CCDC171: variants seen among roughly 807,000 people sequenced by gnomAD.
CCDC171 encodes coiled-coil domain containing 171.
Under a neutral mutation model 168.2 loss-of-function variants are expected in CCDC171, and 177 were observed. The observed-to-expected ratio is 1.05, with a 90% CI of 0.93 to 1.19. The LOEUF (loss-of-function observed/expected upper bound fraction) is 1.19, where lower values mean the gene tolerates loss of function less well. Ranked by LOEUF, CCDC171 falls within the 50% of genes most tolerant of loss-of-function variation. CCDC171 has a pLI of 0.00. For synonymous variants in CCDC171, 687 were observed against 540.8 expected, an observed-to-expected ratio of 1.27 and a Z score of -3.75; for missense variants, 1,991 against 1,539.0, an observed-to-expected ratio of 1.29 and a Z score of -4.91.
Position 15,971,811 on chromosome 9 carries a change from A to G in CCDC171, c.3956A>G (p.Asn1319Ser), listed in dbSNP as rs776196996. 3.1e-6 allele frequency: 5 copies of G among 1,613,230 alleles called. No homozygotes were observed. The South Asian group carries it at 5.5e-5, about 18-fold the overall frequency. The change falls in exon 26 of 26, where the codon AAC (asparagine) becomes AGC (serine). Residue 1319 changes from asparagine (N) to serine (S), a missense_variant. Physicochemically the swap from Asn to Ser is conservative, Grantham distance 46 (BLOSUM62 1). Coordinates refer to ENST00000380701, the MANE Select transcript of CCDC171 (RefSeq NM_173550.4). The stretch of plus-strand genomic sequence containing the variant: ...CCAGTGACTATGTCTGCTAATGCCA[A>G]CAGACCAACTCAGATTGGATTATGA... ...SSPVTMSANA[N>S]RPTQIGL
At chr9:15,614,662 TTG>T (rs1443964043) in intron 6 of CCDC171, among the ~76,000 whole-genome samples, 1 of 152,216 alleles carries the variant, frequency 6.6e-6, no homozygotes, top group Non-Finnish European at 1.5e-5. Context: ...TTCTCTTAGG[TTG>T]CCCCTCCCCC....
chr9:15,698,246 G>A (rs1028129280), intron 11 of CCDC171, among the ~76,000 whole-genome samples: 2 of 152,148 alleles, frequency 1.3e-5, no homozygotes, highest in Admixed American at 1.3e-4. Flanking sequence ...TAAGGGCCAG[G>A]CGCGGTGGCT....
chr9:15,727,662 A>G (rs1742148688), intron 14 of CCDC171, among the ~76,000 whole-genome samples: 1 of 152,074 alleles, frequency 6.6e-6, no homozygotes, highest in African/African-American at 2.4e-5. Context: ...TCAGATTTCG[A>G]TTTTGAATAC....
intron 7 of CCDC171, among the ~76,000 whole-genome samples, chr9:15,634,046 G>A (rs1318152231): frequency 1.3e-5 from 2 of 151,942 alleles, no homozygotes; most frequent in African/African-American, 4.8e-5. Context: ...GAGGGGGGCG[G>A]GATAGCTTTA....
At chr9:15,855,095 G>A (rs1351091460) in intron 23 of CCDC171, among the ~76,000 whole-genome samples, 2 of 151,518 alleles carry the variant, frequency 1.3e-5, no homozygotes, top group African/African-American at 4.8e-5. Flanking sequence ...TATGTCTAGC[G>A]GGTTTATGTT....
intron 11 of CCDC171, among the ~76,000 whole-genome samples, chr9:15,715,173 C>G (rs935713494): frequency 6.6e-6 from 1 of 152,164 alleles, no homozygotes; most frequent in Non-Finnish European, 1.5e-5. Context: ...ATATATTTCT[C>G]AAGCTTTGGT....
At chr9:15,583,879 C>A (rs1282366870) in intron 4 of CCDC171, among the ~76,000 whole-genome samples, 3 of 151,198 alleles carry the variant, frequency 2.0e-5, no homozygotes, top group South Asian at 2.1e-4. Context: ...TTCTTTTTTT[C>A]TTTTTTGAGA....
intron 10 of CCDC171, among the ~76,000 whole-genome samples, chr9:15,691,904 C>T (rs1000975151): frequency 1.3e-5 from 2 of 152,080 alleles, no homozygotes; most frequent in African/African-American, 2.4e-5. Context: ...CCTTGAACTC[C>T]TGGGCTTGAT....
chr9:15,667,771 A>T (rs565183421), intron 9 of CCDC171, among the ~76,000 whole-genome samples: 2 of 152,192 alleles, frequency 1.3e-5, no homozygotes, highest in Non-Finnish European at 2.9e-5. Flanking sequence ...AAGACTGAAA[A>T]CATTAAAAAC....
At chr9:15,679,273 ACTCT>A (rs1192041244) in intron 10 of CCDC171, among the ~76,000 whole-genome samples, 1 of 151,774 alleles carries the variant, frequency 6.6e-6, no homozygotes, top group Admixed American at 6.6e-5. Flanking sequence ...GTACCTGATC[ACTCT>A]CTCTCCATTC....
chr9:15,855,547 C>T (rs11515071), intron 23 of CCDC171, among the ~76,000 whole-genome samples: 46,607 of 151,584 alleles, frequency 0.31, 9,214 homozygotes, highest in East Asian at 0.65. Context: ...TTACATTTAA[C>T]GTAATTGTGA....
At chr9:16,089,749 C>A in the CCDC171 span, among the ~76,000 whole-genome samples, 49,616 of 146,874 alleles carry the variant, frequency 0.34, 8,350 homozygotes, top group Non-Finnish European at 0.36. Flanking sequence ...AAAAAAAAAA[C>A]CCATCAAAAA....
intron 21 of CCDC171, among the ~76,000 whole-genome samples, chr9:15,793,923 T>C (rs1450653773): frequency 2.0e-5 from 3 of 152,126 alleles, no homozygotes; most frequent in African/African-American, 7.2e-5. Context: ...GACAGTAATA[T>C]TTATTCTATA....
chr9:15,957,997 A>G (rs573965196), intron 25 of CCDC171, among the ~76,000 whole-genome samples: 84 of 152,322 alleles, frequency 5.5e-4, no homozygotes, highest in African/African-American at 1.6e-3. Context: ...AATTAAAGAA[A>G]ATGAAGTTAA....
intron 25 of CCDC171, among the ~76,000 whole-genome samples, chr9:15,923,942 A>G (rs539464184): frequency 7.5e-4 from 114 of 151,502 alleles, no homozygotes; most frequent in South Asian, 2.1e-3. Flanking sequence ...AGTGAGAAGG[A>G]TGGGATAGCC....
chr9:16,063,668 A>G (rs751313973), downstream of CCDC171, among the ~76,000 whole-genome samples: 12 of 148,848 alleles, frequency 8.1e-5, no homozygotes, highest in Non-Finnish European at 1.3e-4. Context: ...GTGGATCTGC[A>G]TGTGCCTTTT....
In CCDC171 at chr9:15,610,444, TAAAAAAAAAAAAAAAAAAAAA is replaced by T. The variant is rs754593075; in HGVS notation, c.676-12806_676-12786del. Reference sequence around the variant, plus strand: ...CAACATGGTGAAACCCCATCTCAACTAAAAAAAAAAAAAAAAAAAAAAAAAAAAAAAAAAAAACTGGGCGTG... The same window carrying T: ...CAACATGGTGAAACCCCATCTCAACTAAAAAAAAAAAAAAAACTGGGCGTG... On this transcript the variant is annotated intron_variant, in intron 6 of 25. Transcript: ENST00000380701. Among the ~76,000 whole-genome samples, 41 of 12,724 alleles carry T rather than the reference TAAAAAAAAAAAAAAAAAAAAA, an allele frequency of 3.2e-3. No individual in the cohort carries two copies. The South Asian group carries it at 0.064, about 20-fold the overall frequency. 8.3% of individuals were successfully genotyped at this position (12,724 alleles called of 152,430 possible).
At chr9:15,633,982 C>T (rs933624242) in intron 7 of CCDC171, among the ~76,000 whole-genome samples, 9 of 150,228 alleles carry the variant, frequency 6.0e-5, no homozygotes, top group Non-Finnish European at 1.0e-4. Context: ...AATGAGAACA[C>T]ATGGACACAG....
chr9:15,721,212 CTT>C (rs1183827480), intron 11 of CCDC171, among the ~76,000 whole-genome samples: 5 of 151,924 alleles, frequency 3.3e-5, no homozygotes, highest in Non-Finnish European at 5.9e-5. Flanking sequence ...CAAATTGTAA[CTT>C]GAGAATTTTA....
Sources: gnomAD v4.1 joint callset for allele counts (sites outside exome capture counted in the v4.1 genomes callset) on GRCh38, gnomAD v4.1.1 for gene constraint, MANE v1.5 for transcripts, NCBI Gene and HGNC (gene_info 2026-07-23, HGNC 2026-07-21) for gene names.